The following CSMD1 variants were observed in gnomAD, a reference collection of about 807,000 sequenced individuals.
The protein encoded by CSMD1 is CUB and sushi domain-containing protein 1.
A neutral mutation model predicts 417.5 loss-of-function variants in CSMD1; 213 were observed. That is an observed-to-expected ratio of 0.51 (90% CI 0.46 to 0.57). The LOEUF (loss-of-function observed/expected upper bound fraction) is 0.57, where lower values mean the gene tolerates loss of function less well. CSMD1 is among the 20% of genes least tolerant of loss of function. CSMD1 has a pLI of 0.00. For synonymous variants in CSMD1, 2,862 were observed against 1,736.8 expected, an observed-to-expected ratio of 1.65 and a Z score of -16.11; for missense variants, 6,923 against 4,529.7, an observed-to-expected ratio of 1.53 and a Z score of -15.17.
chr8:4,962,124 T>C (rs80347028), intron 1 of CSMD1, among the ~76,000 whole-genome samples: 1 of 143,432 alleles, frequency 7.0e-6, no homozygotes, highest in African/African-American at 2.6e-5. Context: ...GTTTTTTTTT[T>C]GTATTGGAGG....
intron 8 of CSMD1, among the ~76,000 whole-genome samples, chr8:3,615,157 C>T (rs1802074274): frequency 6.6e-6 from 1 of 152,160 alleles, no homozygotes; most frequent in Non-Finnish European, 1.5e-5. Context: ...ACACTCACTG[C>T]ATTGCTAATA....
At chr8:4,669,870 T>G (rs1172466945) in intron 1 of CSMD1, among the ~76,000 whole-genome samples, 1 of 152,186 alleles carries the variant, frequency 6.6e-6, no homozygotes, top group African/African-American at 2.4e-5. Context: ...CTCCTCAGGT[T>G]TCTGGGCTTC....
intron 5 of CSMD1, among the ~76,000 whole-genome samples, chr8:3,768,138 G>C (rs374336250): frequency 9.3e-5 from 14 of 150,872 alleles, no homozygotes; most frequent in South Asian, 6.3e-4. Context: ...ATAGCAGAGA[G>C]GGGGTGGACA....
At chr8:4,315,013 GAA>G (rs1798841454) in intron 3 of CSMD1, among the ~76,000 whole-genome samples, 1 of 152,134 alleles carries the variant, frequency 6.6e-6, no homozygotes, top group African/African-American at 2.4e-5. Flanking sequence ...CCCAGCCTGA[GAA>G]AAGAGGTCCC....
chr8:4,438,126 CAGAAA>C (rs937294082), intron 2 of CSMD1, among the ~76,000 whole-genome samples: 26 of 152,280 alleles, frequency 1.7e-4, no homozygotes, highest in African/African-American at 6.3e-4. Flanking sequence ...ACGCTGCACT[CAGAAA>C]AGAATTGAGT....
chr8:4,785,021 C>T (rs994761866), intron 1 of CSMD1, among the ~76,000 whole-genome samples: 1 of 152,174 alleles, frequency 6.6e-6, no homozygotes, highest in Non-Finnish European at 1.5e-5. Flanking sequence ...ATTCTGAAAT[C>T]AGTTCTGGGC....
chr8:3,760,785 C>G (rs1011311996), intron 5 of CSMD1, among the ~76,000 whole-genome samples: 3 of 152,156 alleles, frequency 2.0e-5, no homozygotes, highest in African/African-American at 7.2e-5. Context: ...GGTCCCTCTG[C>G]AGTTAAGTCT....
chr8:4,487,439 C>A (rs1374459256), intron 2 of CSMD1, among the ~76,000 whole-genome samples: 2 of 152,120 alleles, frequency 1.3e-5, no homozygotes, highest in Admixed American at 1.3e-4. Flanking sequence ...TCTTGCGATA[C>A]ATTACTGAGA....
intron 2 of CSMD1, among the ~76,000 whole-genome samples, chr8:4,624,195 G>A (rs1437278712): frequency 6.6e-6 from 1 of 152,110 alleles, no homozygotes; most frequent in East Asian, 1.9e-4. Context: ...TTCCAAGAAT[G>A]AGATGACCTC....
At chr8:4,162,616 C>CA (rs1237001046) in intron 3 of CSMD1, among the ~76,000 whole-genome samples, 3 of 152,026 alleles carry the variant, frequency 2.0e-5, no homozygotes, top group African/African-American at 4.8e-5. Context: ...TCTAGGTTCA[C>CA]AAAAAACATT....
chr8:4,790,039 T>C lies in CSMD1; in HGVS notation c.86-152481A>G, dbSNP rs545786733. On this transcript the variant is annotated intron_variant, in intron 1 of 69. Transcript: ENST00000635120. ...TGATGAAAAGGAATCCAGGATTATG[T>C]GTGAATCTTCAGAGAATTCTAGGAG... 1.6e-3 allele frequency among the ~76,000 whole-genome samples: 245 copies of C among 152,360 alleles called. 2 individuals are homozygous for C. The highest frequency in any genetic ancestry group is 5.7e-3 in the African/African-American group (235 of 41,584).
chr8:3,475,574 C>T (rs1418359592), intron 11 of CSMD1, among the ~76,000 whole-genome samples: 2 of 152,158 alleles, frequency 1.3e-5, no homozygotes, highest in Non-Finnish European at 2.9e-5. Flanking sequence ...GGTTCCTCAT[C>T]TATGAAACAA....
At chr8:4,324,363 T>C (rs1281028919) in intron 3 of CSMD1, among the ~76,000 whole-genome samples, 2 of 152,168 alleles carry the variant, frequency 1.3e-5, no homozygotes, top group African/African-American at 2.4e-5. Flanking sequence ...AGCCATTCCA[T>C]GGATGGGACA....
intron 1 of CSMD1, among the ~76,000 whole-genome samples, chr8:4,918,427 G>A (rs1300824092): frequency 2.0e-5 from 3 of 151,892 alleles, no homozygotes; most frequent in Admixed American, 6.6e-5. Flanking sequence ...TCCTCCTCTT[G>A]TCCTTCTGTA....
chr8:4,544,332 T>A (rs990688725), intron 2 of CSMD1, among the ~76,000 whole-genome samples: 1 of 152,134 alleles, frequency 6.6e-6, no homozygotes, highest in Non-Finnish European at 1.5e-5. Context: ...TATTTAATTT[T>A]GGTAGGTAGA....
At chr8:4,864,586 A>T (rs1802316087) in intron 1 of CSMD1, among the ~76,000 whole-genome samples, 1 of 151,614 alleles carries the variant, frequency 6.6e-6, no homozygotes, top group Non-Finnish European at 1.5e-5. Flanking sequence ...AATGATCTTT[A>T]TTTTATATCA....
At chr8:4,203,689 C>T (rs988372886) in intron 3 of CSMD1, among the ~76,000 whole-genome samples, 1 of 151,882 alleles carries the variant, frequency 6.6e-6, no homozygotes. Context: ...AAGTAGGGAT[C>T]ACACACACAC....
Position 4,879,428 on chromosome 8 carries a change from G to A in CSMD1, c.85+114904C>T, listed in dbSNP as rs143199035. 7.4e-4 allele frequency among the ~76,000 whole-genome samples: 112 copies of A among 152,204 alleles called. 2 individuals carry two copies. Among genetic ancestry groups the A allele is most frequent in the African/African-American group, 2.6e-3 (109 of 41,476 alleles). ...AATGAATTGATATGAAGAAGAATTA[G>A]GAGGAAGTTTAGGGGATCGGGAAGA... On this transcript the variant is annotated intron_variant, in intron 1 of 69. Coordinates refer to ENST00000635120, the MANE Select transcript of CSMD1 (RefSeq NM_033225.6).
intron 33 of CSMD1, among the ~76,000 whole-genome samples, 183 bp downstream of exon 33, chr8:3,199,531 A>G (rs1420216857): frequency 6.6e-6 from 1 of 152,176 alleles, no homozygotes; most frequent in African/African-American, 2.4e-5. Flanking sequence ...ATGAGTTTCA[A>G]CTGTCAAAAA....
Sources: gnomAD v4.1 joint callset for allele counts (sites outside exome capture counted in the v4.1 genomes callset) on GRCh38, gnomAD v4.1.1 for gene constraint, MANE v1.5 for transcripts, NCBI Gene and HGNC (gene_info 2026-07-23, HGNC 2026-07-21) for gene names.